Variants in SGIP1 observed in about 807,000 individuals in gnomAD.
The protein encoded by SGIP1 is SH3-containing GRB2-like protein 3-interacting protein 1.
SGIP1 carries 38 observed loss-of-function variants against 107.5 expected under a neutral mutation model. The observed-to-expected ratio is 0.35, with a 90% CI of 0.27 to 0.46. SGIP1 has a LOEUF of 0.46. Among genes scored for constraint, SGIP1 ranks in the 20% least tolerant of loss-of-function variants. The probability of loss-of-function intolerance (pLI) is 1.00; values close to 1 mark genes in which losing one functional copy is unlikely to be tolerated. For missense variants in SGIP1, 929 were observed against 1,019.5 expected (o/e 0.91, Z 1.21); for synonymous variants, 365 against 366.1 (o/e 1.00, Z 0.03).
intron 1 of SGIP1, among the ~76,000 whole-genome samples, chr1:66,610,486 C>T (rs1053845437): frequency 2.8e-4 from 43 of 152,250 alleles, no homozygotes; most frequent in African/African-American, 9.6e-4. Context: ...CCGAACCAGA[C>T]ATTGATCTCT....
At chr1:66,631,989 T>A (rs751604215) in intron 2 of SGIP1, among the ~76,000 whole-genome samples, 34 of 152,314 alleles carry the variant, frequency 2.2e-4, no homozygotes, top group Non-Finnish European at 4.1e-4. Context: ...GCTCTTGTAA[T>A]CCAGTTTTCC....
chr1:66,539,937 G>A (rs1019987326), intron 1 of SGIP1, among the ~76,000 whole-genome samples: 1 of 152,116 alleles, frequency 6.6e-6, no homozygotes, highest in Non-Finnish European at 1.5e-5. Context: ...GCTCCACGAA[G>A]GCAGAAATCT....
At chr1:66,727,794 T>C (rs1443218490) in intron 19 of SGIP1, among the ~76,000 whole-genome samples, 1 of 152,216 alleles carries the variant, frequency 6.6e-6, no homozygotes, top group Non-Finnish European at 1.5e-5. Context: ...ACAATTCTGT[T>C]ATATGAAATT....
At position 66,542,985 on chromosome 1, in the gene SGIP1, G is replaced by A. The variant is rs1410647802; in HGVS notation, c.10+8617G>A. Among the ~76,000 whole-genome samples, 3 of 152,202 alleles carry A rather than the reference G, an allele frequency of 2.0e-5. No homozygotes were observed. In the East Asian group the frequency reaches 5.8e-4, roughly 29 times the overall value. Reference sequence around the variant, plus strand: ...TAGGTCTCTGACTGGCAAGTAAACAGCAGATTGTTTAAATCTGACTGGATG... The same window carrying A: ...TAGGTCTCTGACTGGCAAGTAAACAACAGATTGTTTAAATCTGACTGGATG... On this transcript the variant is annotated intron_variant, in intron 1 of 24. Coordinates refer to ENST00000371037, the MANE Select transcript of SGIP1 (RefSeq NM_032291.4).
At chr1:66,645,250 C>T (rs1012792208) in intron 7 of SGIP1, among the ~76,000 whole-genome samples, 1 of 152,180 alleles carries the variant, frequency 6.6e-6, no homozygotes, top group African/African-American at 2.4e-5. Flanking sequence ...GTCCCAGAAA[C>T]ATAGTGGATG....
At chr1:66,727,071 C>T (rs184490544) in intron 19 of SGIP1, among the ~76,000 whole-genome samples, 2 of 152,206 alleles carry the variant, frequency 1.3e-5, no homozygotes, top group Non-Finnish European at 2.9e-5. Context: ...AGATATAACC[C>T]ATAAAAGAAT....
chr1:66,714,126 A>G (rs1283793090), intron 18 of SGIP1, among the ~76,000 whole-genome samples: 1 of 152,130 alleles, frequency 6.6e-6, no homozygotes, highest in African/African-American at 2.4e-5. Flanking sequence ...TCAAGTACAT[A>G]CCATGTTAAG....
At chr1:66,560,245 T>G (rs972953052) in intron 1 of SGIP1, among the ~76,000 whole-genome samples, 2 of 152,216 alleles carry the variant, frequency 1.3e-5, no homozygotes, top group East Asian at 3.9e-4. Flanking sequence ...TAATCATTGA[T>G]GCATAATTAC....
chr1:66,727,593 C>T (rs1188704705), intron 19 of SGIP1, among the ~76,000 whole-genome samples: 2 of 152,138 alleles, frequency 1.3e-5, no homozygotes, highest in South Asian at 2.1e-4. Context: ...ATTCATTGCA[C>T]CTTTATTTGT....
At chr1:66,727,444 A>G (rs2093807016) in intron 19 of SGIP1, among the ~76,000 whole-genome samples, 1 of 152,242 alleles carries the variant, frequency 6.6e-6, no homozygotes, top group Non-Finnish European at 1.5e-5. Context: ...CCTCATGCAC[A>G]GCTGTATTTT....
intron 1 of SGIP1, among the ~76,000 whole-genome samples, chr1:66,572,922 T>A (rs2060573389): frequency 6.6e-6 from 1 of 152,070 alleles, no homozygotes; most frequent in Admixed American, 6.6e-5. Flanking sequence ...AGGGTAAGCC[T>A]TGAAAATATT....
At chr1:66,617,582 C>A (rs117874913) in intron 1 of SGIP1, among the ~76,000 whole-genome samples, 2 of 152,272 alleles carry the variant, frequency 1.3e-5, no homozygotes, top group East Asian at 3.9e-4. Flanking sequence ...ATTACTGAGA[C>A]CAAATATTTG....
intron 1 of SGIP1, among the ~76,000 whole-genome samples, chr1:66,542,398 A>T (rs1162327804): frequency 6.6e-6 from 1 of 152,198 alleles, no homozygotes; most frequent in Non-Finnish European, 1.5e-5. Context: ...TCTTCTGATG[A>T]TGTGAGATGT....
chr1:66,660,967 C>T (rs1487515355), intron 8 of SGIP1, among the ~76,000 whole-genome samples: 1 of 152,106 alleles, frequency 6.6e-6, no homozygotes, highest in Non-Finnish European at 1.5e-5. Flanking sequence ...TGTAGGGAAG[C>T]TGGGGGGTTT....
Position 66,739,409 on chromosome 1 carries a change from C to T in SGIP1, c.2106C>T (p.Asp702=). The T allele has an allele frequency of 6.2e-7, 1 of 1,613,604 alleles. No individual in the cohort carries two copies. Among genetic ancestry groups the T allele is most frequent in the East Asian group, 2.2e-5 (1 of 44,868 alleles). ...VNWRCEPSST[D]LRIDYKYNTD... is the part of the protein sequence containing the mutation. ...GGCGATGTGAGCCTTCAAGCACTGA[C>T]CTGCGCATAGATTACAAATATAATA... The change falls in exon 22 of 25, where the codon GAC becomes GAT. Residue 702 remains aspartate, a synonymous_variant. Coordinates refer to ENST00000371037, the MANE Select transcript of SGIP1 (RefSeq NM_032291.4).
chr1:66,534,721 A>G (rs1056297493), intron 1 of SGIP1, among the ~76,000 whole-genome samples: 13 of 152,230 alleles, frequency 8.5e-5, no homozygotes, highest in African/African-American at 3.1e-4. Context: ...CTGATTAAAC[A>G]TTTACAATGG....
chr1:66,676,713 A>C (rs1335961958), intron 12 of SGIP1, among the ~76,000 whole-genome samples: 1 of 152,154 alleles, frequency 6.6e-6, no homozygotes, highest in Non-Finnish European at 1.5e-5. Flanking sequence ...ACTGATACTC[A>C]GAATGTCCTT....
chr1:66,636,895 C>T (rs1419180559), intron 4 of SGIP1, among the ~76,000 whole-genome samples: 1 of 152,112 alleles, frequency 6.6e-6, no homozygotes, highest in Non-Finnish European at 1.5e-5. Flanking sequence ...ATCATGTTAT[C>T]TAAGAACAGA....
chr1:66,663,430 T>C (rs2081934918), intron 8 of SGIP1, among the ~76,000 whole-genome samples: 1 of 152,126 alleles, frequency 6.6e-6, no homozygotes, highest in Non-Finnish European at 1.5e-5. Flanking sequence ...AGTAAAATTG[T>C]GAACAGGAAA....
Sources: gnomAD v4.1 joint callset for allele counts (sites outside exome capture counted in the v4.1 genomes callset) on GRCh38, gnomAD v4.1.1 for gene constraint, MANE v1.5 for transcripts, NCBI Gene and HGNC (gene_info 2026-07-23, HGNC 2026-07-21) for gene names.